Variants in CHODL observed in about 807,000 individuals in gnomAD.
The protein encoded by CHODL is chondrolectin.
Under a neutral mutation model 34.5 loss-of-function variants are expected in CHODL, and 29 were observed. The observed-to-expected ratio is 0.84, with a 90% CI of 0.63 to 1.15. The LOEUF (loss-of-function observed/expected upper bound fraction) is 1.15. Among genes scored for constraint, CHODL ranks in the 50% most tolerant of loss-of-function variants. The pLI is 0.00. For missense variants in CHODL, 332 were observed against 332.5 expected (o/e 1.00, Z 0.01); for synonymous variants, 125 against 116.1 (o/e 1.08, Z -0.49).
At chr21:18,017,569 A>T (rs1214906646) in intron 1 of CHODL, among the ~76,000 whole-genome samples, 1 of 152,238 alleles carries the variant, frequency 6.6e-6, no homozygotes, top group Non-Finnish European at 1.5e-5. Context: ...GCAGATTGCA[A>T]GAGTGAGTGA....
At chr21:17,952,367 A>G (rs923284233) in intron 1 of CHODL, among the ~76,000 whole-genome samples, 3 of 152,264 alleles carry the variant, frequency 2.0e-5, no homozygotes, top group South Asian at 2.1e-4. Flanking sequence ...CTTTACATGT[A>G]GGGTTACCAT....
intron 2 of CHODL, among the ~76,000 whole-genome samples, chr21:18,160,448 C>G (rs1251348068): frequency 1.3e-5 from 2 of 151,998 alleles, no homozygotes; most frequent in East Asian, 3.9e-4. Flanking sequence ...AGGTATTAAA[C>G]CTAGTACCCA....
rs1434530815 is a variant in CHODL at position 18,130,490 on chromosome 21, A to C, written c.-45+102519A>C. Among the ~76,000 whole-genome samples the C allele has an allele frequency of 3.9e-5, 6 of 152,278 alleles. No homozygotes were observed. In the East Asian group the frequency reaches 9.7e-4, roughly 25 times the overall value. ...ATAGAGTATAGAGTGGGTCTGTGTC[A>C]ATACAAATAGTTTTAGAAAGTCAGA... On this transcript the variant is annotated intron_variant, in intron 2 of 6. Transcript: ENST00000400127.
At position 17,955,989 on chromosome 21, in the gene CHODL, T is replaced by A. The variant is rs561427242; in HGVS notation, c.-145+38589T>A. The stretch of plus-strand genomic sequence containing the variant: ...CCGGAAGAAAAAGATTTTGAGGAGT[T>A]CATATAACTTTCAGGGAGTCTTTTC... On this transcript the variant is annotated intron_variant, in intron 1 of 6. Coordinates refer to the CHODL transcript ENST00000400127. Among the ~76,000 whole-genome samples, 19 of 137,164 alleles carry A rather than the reference T, an allele frequency of 1.4e-4. 2 individuals carry two copies. Among genetic ancestry groups the A allele is most frequent in the African/African-American group, 4.5e-4 (18 of 39,990 alleles). The allele number at this position is 137,164 out of a possible 152,430, so 90.0% of individuals were successfully genotyped here.
intron 5 of CHODL, among the ~76,000 whole-genome samples, chr21:18,264,956 T>C (rs1448555545): frequency 2.0e-5 from 3 of 152,072 alleles, no homozygotes. Flanking sequence ...CATAGTATAA[T>C]AGCATTGTTT....
chr21:18,185,812 G>C (rs537902782), intron 2 of CHODL, among the ~76,000 whole-genome samples: 38 of 152,284 alleles, frequency 2.5e-4, no homozygotes, highest in Admixed American at 2.5e-3. Flanking sequence ...CTGGTTTGTA[G>C]ATGGCTGTCT....
Position 17,987,690 on chromosome 21 carries a change from C to T in CHODL, c.-144-40182C>T, listed in dbSNP as rs2063764488. ...ACTGACTTAATAGAAAAGCAAAGAG[C>T]TACCCATGCAATATTTTAAATAACA... On this transcript the variant is annotated intron_variant, in intron 1 of 6. Coordinates refer to the CHODL transcript ENST00000400127. Among the ~76,000 whole-genome samples the T allele has an allele frequency of 2.0e-5, 3 of 152,064 alleles. 1 individual carries two copies. The highest frequency in any genetic ancestry group is 2.0e-4 in the Admixed American group (3 of 15,260).
chr21:18,043,660 T>A (rs565556565), intron 2 of CHODL, among the ~76,000 whole-genome samples: 107 of 152,080 alleles, frequency 7.0e-4, no homozygotes, highest in African/African-American at 2.4e-3. Flanking sequence ...TACTTTCCTG[T>A]ATTAGTTACC....
At chr21:18,193,287 A>T (rs187910631) in intron 2 of CHODL, among the ~76,000 whole-genome samples, 54 of 152,296 alleles carry the variant, frequency 3.5e-4, no homozygotes, top group Non-Finnish European at 7.2e-4. Flanking sequence ...GTTCCCTGAG[A>T]TCCACAATGT....
intron 2 of CHODL, among the ~76,000 whole-genome samples, chr21:18,171,814 C>CCCG (rs1568921997): frequency 6.3e-5 from 8 of 127,388 alleles, no homozygotes; most frequent in African/African-American, 2.2e-4. Flanking sequence ...TATGTGTCCA[C>CCCG]TAGGTCTCTT....
chr21:18,050,179 G>A (rs2064496223), intron 2 of CHODL, among the ~76,000 whole-genome samples: 1 of 151,930 alleles, frequency 6.6e-6, no homozygotes. Context: ...ACTCCACAGA[G>A]GGACATTTTC....
At chr21:18,217,312 G>T (rs896788627) in intron 2 of CHODL, among the ~76,000 whole-genome samples, 3 of 151,836 alleles carry the variant, frequency 2.0e-5, no homozygotes, top group African/African-American at 7.3e-5. Context: ...TTACAGTTTT[G>T]CAGGGCTGGG....
intron 2 of CHODL, among the ~76,000 whole-genome samples, chr21:18,205,263 C>CTA (rs538129167): frequency 1.3e-3 from 204 of 152,248 alleles, no homozygotes; most frequent in African/African-American, 4.7e-3. Flanking sequence ...TATGTTCTTT[C>CTA]TATACCCAGT....
At chr21:17,929,925 T>G (rs1047538028) in intron 1 of CHODL, among the ~76,000 whole-genome samples, 4 of 152,248 alleles carry the variant, frequency 2.6e-5, no homozygotes, top group Admixed American at 1.3e-4. Flanking sequence ...TTGAGCACCC[T>G]TGCTTTCACT....
intron 1 of CHODL, among the ~76,000 whole-genome samples, chr21:17,949,844 GAAAAT>G (rs2063441819): frequency 1.3e-5 from 2 of 152,100 alleles, no homozygotes; most frequent in Non-Finnish European, 2.9e-5. Context: ...CTAGTTAAGG[GAAAAT>G]GCTTGGGGGA....
chr21:18,105,655 G>A (rs1222341254), intron 2 of CHODL, among the ~76,000 whole-genome samples: 1 of 152,116 alleles, frequency 6.6e-6, no homozygotes, highest in Non-Finnish European at 1.5e-5. Context: ...CAATCACATT[G>A]AATGGCCATA....
chr21:18,034,608 C>T (rs2146444487), intron 2 of CHODL: 1 of 152,134 alleles, frequency 6.6e-6, no homozygotes, highest in East Asian at 1.9e-4. Flanking sequence ...GGAGGGTCTC[C>T]ATTCTCCTGT....
intron 2 of CHODL, among the ~76,000 whole-genome samples, chr21:18,193,703 AAAAAAAAT>A (rs1388437965): frequency 6.8e-6 from 1 of 145,994 alleles, no homozygotes; most frequent in South Asian, 2.1e-4. Context: ...CTCAGAAAAA[AAAAAAAAT>A]AAAATAAATA....
chr21:17,934,752 A>AT (rs370256650), intron 1 of CHODL, among the ~76,000 whole-genome samples: 3 of 151,984 alleles, frequency 2.0e-5, no homozygotes, highest in Non-Finnish European at 2.9e-5. Context: ...TAAATATCTT[A>AT]TTTTTTATTA....
Sources: allele counts gnomAD v4.1 joint callset (sites outside exome capture counted in the v4.1 genomes callset), GRCh38; gene constraint gnomAD v4.1.1; transcripts MANE v1.5; gene names NCBI Gene and HGNC (gene_info 2026-07-23, HGNC 2026-07-21).